Variants in TOP3A observed in about 807,000 individuals in gnomAD.
TOP3A encodes DNA topoisomerase 3-alpha.
Under a neutral mutation model 111.3 loss-of-function variants are expected in TOP3A, and 64 were observed. That is an observed-to-expected ratio of 0.57 (90% CI 0.47 to 0.71). The LOEUF (loss-of-function observed/expected upper bound fraction) is 0.71, where lower values mean the gene tolerates loss of function less well. TOP3A is among the 30% of genes least tolerant of loss of function. The pLI, the probability that TOP3A is intolerant of heterozygous loss-of-function variation, is 0.00. For synonymous variants in TOP3A, 484 were observed against 485.1 expected (o/e 1.00, Z 0.03); for missense variants, 1,104 against 1,285.0 (o/e 0.86, Z 2.15).
intron 4 of TOP3A, among the ~76,000 whole-genome samples, chr17:18,305,482 A>ACGCG (rs1555572049): frequency 5.0e-5 from 7 of 139,284 alleles, no homozygotes; most frequent in Non-Finnish European, 1.1e-4. Flanking sequence ...TCTAACACAC[A>ACGCG]CACACGCGCG....
chr17:18,308,277 C>T (rs769637868), intron 3 of TOP3A, 74 bp downstream of exon 3: 1 of 594,460 alleles, frequency 1.7e-6, no homozygotes, highest in Non-Finnish European at 2.7e-6. Flanking sequence ...GTAAGATCAA[C>T]ATGCCTCAAA....
At position 18,314,810 on chromosome 17, in the gene TOP3A, G is replaced by C. The variant is rs1982155224; in HGVS notation, c.-32C>G. The stretch of plus-strand genomic sequence containing the variant: ...ACCTCGCGCCCGGAGCCGCTCCCCG[G>C]CTGCCGGCGCATCCTGGGGAAGCCA... On this transcript the variant is annotated 5_prime_UTR_variant, in exon 1 of 19. Transcript: ENST00000321105. The C allele has an allele frequency of 6.8e-7, 1 of 1,479,600 alleles. No individual in the cohort carries two copies. Among genetic ancestry groups the C allele is most frequent in the Non-Finnish European group, 9.0e-7 (1 of 1,111,794 alleles). The allele number at this position is 1,479,600 out of a possible 1,614,324, so 91.7% of individuals were successfully genotyped here. A position where few individuals can be genotyped will look rare whatever the true frequency, so the allele number is the denominator to read the frequency against.
intron 3 of TOP3A, chr17:18,307,608 T>A (rs993657730): frequency 4.8e-5 from 7 of 146,034 alleles, no homozygotes; most frequent in Non-Finnish European, 9.0e-5. Flanking sequence ...AAAAAATAAA[T>A]AAAATAAATA....
At position 18,309,771 on chromosome 17, in the gene TOP3A, G is replaced by A. The variant is rs546616589; in HGVS notation, c.181-830C>T. ...GTCGCCCAGGCTGGAGTCCAGTGGC[G>A]TGATCTCGGCTCACTGCAAGCTCCA... On this transcript the variant is annotated intron_variant, in intron 1 of 18. Transcript: ENST00000321105. Among the ~76,000 whole-genome samples the A allele has an allele frequency of 4.2e-4, 61 of 145,718 alleles. No individual in the cohort carries two copies. In the East Asian group the frequency reaches 0.01, roughly 24 times the overall value.
At position 18,294,907 on chromosome 17, in the gene TOP3A, A is replaced by G. The variant is rs1224067244; in HGVS notation, c.991-122T>C. ...CACTCCAGGTGCTTCTGTCAAACAG[A>G]GCTGAAAAGGCTGCCCAACAACGAT... On this transcript the variant is annotated intron_variant, in intron 9 of 18. Transcript: ENST00000321105. 4 of 671,068 alleles carry G rather than the reference A, an allele frequency of 6.0e-6. No individual in the cohort carries two copies. In the Admixed American group the frequency reaches 7.4e-5, roughly 12 times the overall value. The allele number at this position is 671,068 out of a possible 1,614,324, so 41.6% of individuals were successfully genotyped here.
chr17:18,299,566 T>C lies in TOP3A; in HGVS notation c.983A>G (p.Asp328Gly). The change falls in exon 9 of 19, where the codon GAC becomes GGC. Residue 328 changes from aspartate to glycine, a missense_variant. Asp to Gly is a moderately conservative substitution (Grantham distance 94). Coordinates refer to ENST00000321105, the MANE Select transcript of TOP3A (RefSeq NM_004618.5). ...AGCCTGTCTGGAACATACCACAGTGTCCAAGGCTTGAGGCCGCCACTTGCT... is the reference window on the plus strand; with the variant it reads ...AGCCTGTCTGGAACATACCACAGTGCCCAAGGCTTGAGGCCGCCACTTGCT... ...PKSKWRPQALDTVELEKLASR... is the reference protein window; with the variant it reads ...PKSKWRPQALGTVELEKLASR... 1 of 1,614,022 alleles carries C rather than the reference T, an allele frequency of 6.2e-7. No individual in the cohort carries two copies.
chr17:18,279,085 A>C (rs1979588733), intron 17 of TOP3A, among the ~76,000 whole-genome samples: 1 of 152,270 alleles, frequency 6.6e-6, no homozygotes. Context: ...GGCTGACTGC[A>C]GAAGCAGATA....
At chr17:18,281,051 G>A (rs1979726745) in intron 16 of TOP3A, among the ~76,000 whole-genome samples, 1 of 152,192 alleles carries the variant, frequency 6.6e-6, no homozygotes, top group South Asian at 2.1e-4. Flanking sequence ...AGACATGCAT[G>A]CATGTGTGGA....
intron 16 of TOP3A, among the ~76,000 whole-genome samples, chr17:18,280,906 G>A (rs1025544058): frequency 1.3e-5 from 2 of 152,236 alleles, no homozygotes; most frequent in African/African-American, 4.8e-5. Context: ...CAACCAAGCT[G>A]ACGCCAGGGG....
At chr17:18,313,727 G>C (rs1982062909) in intron 1 of TOP3A, among the ~76,000 whole-genome samples, 1 of 152,092 alleles carries the variant, frequency 6.6e-6, no homozygotes, top group Non-Finnish European at 1.5e-5. Context: ...TCTAGCACTG[G>C]AAACAGGTAA....
rs1979496145 is a variant in TOP3A at position 18,277,991 on chromosome 17, C to T, written c.2511G>A (p.Lys837=). Residue 837 remains lysine (K), a synonymous_variant, in exon 18 of 19, where the codon AAG becomes AAA. Transcript: ENST00000321105. ...EGPNRGRQFF[K]CNGGSCNFFL... ...AGAAGTTGCAGCTACCTCCGTTGCA[C>T]TTAAAGAACTGCCGGCCCCGGTTGG... is the stretch of plus-strand genomic sequence containing the variant. 1 of 1,614,130 alleles carries T rather than the reference C, an allele frequency of 6.2e-7. No individual in the cohort carries two copies. The highest frequency in any genetic ancestry group is 8.5e-7 in the Non-Finnish European group (1 of 1,180,048).
At chr17:18,297,464 C>CCTCTCCCTCTCCCCACA (rs1199263586) in intron 9 of TOP3A, among the ~76,000 whole-genome samples, 8 of 151,806 alleles carry the variant, frequency 5.3e-5, no homozygotes, top group African/African-American at 1.9e-4. Flanking sequence ...CCACGGTCTC[C>CCTCTCCCTCTCCCCACA]GTCTCCCTCT....
At position 18,291,005 on chromosome 17, in the gene TOP3A, T is replaced by C. The variant is rs778804656; in HGVS notation, c.1304A>G (p.Glu435Gly). 1 of 1,614,048 alleles carries C rather than the reference T, an allele frequency of 6.2e-7. No homozygotes were observed. The highest frequency in any genetic ancestry group is 1.7e-5 in the Admixed American group (1 of 60,004). ...NLQGDEQRLY[E>G]FIVRHFLACC... is the part of the protein sequence containing the mutation. ...AGCCAGGAAATGGCGAACAATAAAC[T>C]CGTACAGTCGCTGTTCATCTCCCTA... The change falls in exon 12 of 19, where the codon GAG becomes GGG. Residue 435 changes from glutamate (E) to glycine (G), a missense_variant. Transcript: ENST00000321105.
At position 18,299,603 on chromosome 17, in the gene TOP3A, A is replaced by T. The variant is rs368476765; in HGVS notation, c.946T>A (p.Ser316Thr). 8 of 1,613,980 alleles carry T rather than the reference A, an allele frequency of 5.0e-6. No individual in the cohort carries two copies. The African/African-American group carries it at 1.1e-4, about 22-fold the overall frequency. Residue 316 changes from serine to threonine, a missense_variant, in exon 9 of 19, where the codon TCT becomes ACT. Ser to Thr is a moderately conservative substitution (Grantham distance 58, BLOSUM62 1). Transcript: ENST00000321105. Reference protein sequence around the residue: ...DPMATVVEVRSKPKSKWRPQA... With the variant: ...DPMATVVEVRTKPKSKWRPQA... ...GGCCGCCACTTGCTCTTGGGCTTAGATCTGACCTCTACCACAGTTGCCATG... is the reference window on the plus strand; with the variant it reads ...GGCCGCCACTTGCTCTTGGGCTTAGTTCTGACCTCTACCACAGTTGCCATG...
At position 18,274,862 on chromosome 17, in the gene TOP3A, C is replaced by T. The variant is rs1449392328; in HGVS notation, c.2946G>A (p.Arg982=). The T allele has an allele frequency of 2.5e-6, 4 of 1,614,060 alleles. No individual in the cohort carries two copies. The highest frequency in any genetic ancestry group is 3.4e-6 in the Non-Finnish European group (4 of 1,180,042). The change falls in exon 19 of 19, where the codon CGG becomes CGA. Residue 982 remains arginine (R), a synonymous_variant. Coordinates refer to ENST00000321105, the MANE Select transcript of TOP3A (RefSeq NM_004618.5). ...CAGGCTGGTGGCAAAGGCTGCATTTCCGGGGTTTCTTTGCTGTGGACCCCA... is the reference window on the plus strand; with the variant it reads ...CAGGCTGGTGGCAAAGGCTGCATTTTCGGGGTTTCTTTGCTGTGGACCCCA... ...SDMGSTAKKP[R]KCSLCHQPGH...
At chr17:18,286,374 G>A (rs1162262253) in intron 13 of TOP3A, among the ~76,000 whole-genome samples, 1 of 151,820 alleles carries the variant, frequency 6.6e-6, no homozygotes, top group Non-Finnish European at 1.5e-5. Context: ...AAATTAGCCG[G>A]GTGTGGTGGC....
Position 18,302,250 on chromosome 17 carries a change from A to G in TOP3A, c.814+14T>C. ...CCATAGGTCCCAGGCCATAACACCCACTCCAGGCCCTACCTTTAATTCTGT... is the reference window on the plus strand; with the variant it reads ...CCATAGGTCCCAGGCCATAACACCCGCTCCAGGCCCTACCTTTAATTCTGT... On this transcript the variant is annotated intron_variant, in intron 7 of 18. Coordinates refer to ENST00000321105, the MANE Select transcript of TOP3A (RefSeq NM_004618.5). 1 of 1,593,802 alleles carries G rather than the reference A, an allele frequency of 6.3e-7. No individual in the cohort carries two copies. Among genetic ancestry groups the G allele is most frequent in the Non-Finnish European group, 8.5e-7 (1 of 1,171,450 alleles).
intron 15 of TOP3A, 120 bp from the exon 16 acceptor site, chr17:18,282,961 G>A (rs1979859323): frequency 2.3e-6 from 3 of 1,308,916 alleles, no homozygotes; most frequent in Admixed American, 4.0e-5. Flanking sequence ...TGAGCCGCAG[G>A]CCTCCTGCAG....
intron 1 of TOP3A, among the ~76,000 whole-genome samples, chr17:18,309,159 G>A (rs1196026477): frequency 6.6e-6 from 1 of 152,070 alleles, no homozygotes; most frequent in Non-Finnish European, 1.5e-5. Flanking sequence ...AAACCATGAT[G>A]AGGTACCACT....
Sources: allele counts gnomAD v4.1 joint callset (sites outside exome capture counted in the v4.1 genomes callset), GRCh38; gene constraint gnomAD v4.1.1; transcripts MANE v1.5; gene names NCBI Gene and HGNC (gene_info 2026-07-23, HGNC 2026-07-21).